MCPH1: variants seen among roughly 807,000 people sequenced by gnomAD.
MCPH1 encodes the protein microcephalin 1, also known as microcephalin.
Under a neutral mutation model 84.5 loss-of-function variants are expected in MCPH1, and 104 were observed. The observed-to-expected ratio is 1.23, with a 90% confidence interval of 1.05 to 1.45. MCPH1 has a LOEUF of 1.45. Among genes scored for constraint, MCPH1 ranks in the 40% most tolerant of loss-of-function variants. The pLI is 0.00. For synonymous variants in MCPH1, 514 were observed against 366.8 expected (o/e 1.40, Z -4.58); for missense variants, 1,498 against 1,005.7 (o/e 1.49, Z -6.62).
At chr8:6,506,778 CTTT>C (rs552063597) in intron 12 of MCPH1, among the ~76,000 whole-genome samples, 7 of 128,040 alleles carry the variant, frequency 5.5e-5, no homozygotes, top group Admixed American at 1.6e-4. Context: ...CAGAGGATTG[CTTT>C]TTTTTTTTTT....
At chr8:6,554,705 G>C (rs1824283136) in intron 12 of MCPH1, among the ~76,000 whole-genome samples, 1 of 152,204 alleles carries the variant, frequency 6.6e-6, no homozygotes, top group Admixed American at 6.5e-5. Flanking sequence ...CTCAGAGGGA[G>C]AACCAGTCTG....
At chr8:6,555,441 T>G (rs1403585975) in intron 12 of MCPH1, among the ~76,000 whole-genome samples, 1 of 150,270 alleles carries the variant, frequency 6.7e-6, no homozygotes, top group East Asian at 1.9e-4. Flanking sequence ...ATAACATAAT[T>G]TGTTTTACGG....
chr8:6,559,015 T>A (rs1422469791), intron 12 of MCPH1, among the ~76,000 whole-genome samples: 1 of 152,138 alleles, frequency 6.6e-6, no homozygotes, highest in Non-Finnish European at 1.5e-5. Flanking sequence ...TTCCTTACTA[T>A]ATAGTAATAC....
intron 8 of MCPH1, chr8:6,446,994 A>G: frequency 1.0e-6 from 1 of 984,960 alleles, no homozygotes; most frequent in Non-Finnish European, 1.2e-6. Flanking sequence ...TCAGTGGTGC[A>G]GGCCATCAGG....
At chr8:6,476,631 A>G (rs904896722) in intron 9 of MCPH1, among the ~76,000 whole-genome samples, 8 of 152,194 alleles carry the variant, frequency 5.3e-5, no homozygotes, top group African/African-American at 9.7e-5. Flanking sequence ...CAAGATCTCT[A>G]TAAACCAGCA....
chr8:6,442,268 C>G (rs1277077663), intron 7 of MCPH1, 112 bp downstream of exon 7: 4 of 692,398 alleles, frequency 5.8e-6, no homozygotes, highest in Non-Finnish European at 1.0e-5. Flanking sequence ...TTAGTTAAAA[C>G]TAGAACTTCT....
At chr8:6,504,579 A>T (rs951536028) in intron 12 of MCPH1, among the ~76,000 whole-genome samples, 6 of 152,156 alleles carry the variant, frequency 3.9e-5, no homozygotes, top group Non-Finnish European at 7.3e-5. Context: ...TGCAAGAGTG[A>T]TGATGCTGGC....
chr8:6,424,637 G>A (rs921668591), intron 3 of MCPH1, among the ~76,000 whole-genome samples: 28 of 152,228 alleles, frequency 1.8e-4, no homozygotes, highest in Non-Finnish European at 4.0e-4. Context: ...ACGGTCTGAT[G>A]TGTCCTCCTA....
chr8:6,416,971 G>C (rs936131543), intron 3 of MCPH1, among the ~76,000 whole-genome samples: 2 of 151,756 alleles, frequency 1.3e-5, no homozygotes, highest in Non-Finnish European at 2.9e-5. Flanking sequence ...TTTAGCCTGG[G>C]CGACAAGAGC....
intron 13 of MCPH1, chr8:6,622,327 C>T (rs539135184): frequency 2.0e-3 from 311 of 158,772 alleles, no homozygotes; most frequent in Middle Eastern, 3.3e-3. Context: ...GAACCCCACG[C>T]CGTGCTAACA....
intron 9 of MCPH1, among the ~76,000 whole-genome samples, chr8:6,474,464 C>CA (rs35687711): frequency 5.3e-4 from 79 of 147,992 alleles, no homozygotes; most frequent in South Asian, 1.5e-3. Flanking sequence ...TTGCTGTCTC[C>CA]AAAAAAAAAA....
rs1444193350 is a variant in MCPH1, at chr8:6,407,913, C to T, written c.22+1224C>T. On this transcript the variant is annotated intron_variant, in intron 1 of 13. Transcript: ENST00000344683. Reference sequence around the variant, plus strand: ...AAAGGTCAAATGAAAAATTATATCACATTCACATTTCCTTCTCCATAAATA... The same window carrying T: ...AAAGGTCAAATGAAAAATTATATCATATTCACATTTCCTTCTCCATAAATA... Among the ~76,000 whole-genome samples, 3 of 152,160 alleles carry T rather than the reference C, an allele frequency of 2.0e-5. No homozygotes were observed. In the East Asian group the frequency reaches 5.8e-4, roughly 29 times the overall value.
At chr8:6,641,743 CAAAAAA>C in intron 13 of MCPH1, among the ~76,000 whole-genome samples, 2 of 151,728 alleles carry the variant, frequency 1.3e-5, no homozygotes, top group South Asian at 4.2e-4. Context: ...GACCCTATCT[CAAAAAA>C]AGAAAAAATA....
intron 12 of MCPH1, among the ~76,000 whole-genome samples, chr8:6,562,351 G>GC (rs1176985513): frequency 6.6e-6 from 1 of 152,024 alleles, no homozygotes; most frequent in African/African-American, 2.4e-5. Flanking sequence ...CACAAGTTGT[G>GC]CAGGGAAGTA....
At chr8:6,428,275 G>T (rs1801351866) in intron 3 of MCPH1, among the ~76,000 whole-genome samples, 1 of 151,252 alleles carries the variant, frequency 6.6e-6, no homozygotes, top group Non-Finnish European at 1.5e-5. Flanking sequence ...AAAAAACTAG[G>T]ACACAAAGAC....
intron 12 of MCPH1, among the ~76,000 whole-genome samples, chr8:6,556,057 C>G (rs1475653835): frequency 6.6e-6 from 1 of 152,136 alleles, no homozygotes; most frequent in Non-Finnish European, 1.5e-5. Context: ...GTGCCCTGCA[C>G]TCGTCTCAAG....
At chr8:6,448,628 TGTG>T (rs1427586501) in intron 8 of MCPH1, among the ~76,000 whole-genome samples, 2 of 152,198 alleles carry the variant, frequency 1.3e-5, no homozygotes, top group Non-Finnish European at 2.9e-5. Context: ...ACACATTTCT[TGTG>T]TGTGTGTCTA....
intron 9 of MCPH1, among the ~76,000 whole-genome samples, chr8:6,465,871 A>C (rs1806831534): frequency 6.6e-6 from 1 of 152,122 alleles, no homozygotes; most frequent in African/African-American, 2.4e-5. Context: ...CCCAGGAAAA[A>C]TTTATGTCTG....
In MCPH1 at chr8:6,560,524, G is replaced by A. The variant is rs186763988; in HGVS notation, c.2214+60595G>A. ...CCAAGCCAGAAGCCGTAAACCGAGC[G>A]AGAGTGCAAATTGCCTTTCTCAGGT... On this transcript the variant is annotated intron_variant, in intron 12 of 13. Transcript: ENST00000344683. Among the ~76,000 whole-genome samples, 46 of 152,276 alleles carry A rather than the reference G, an allele frequency of 3.0e-4. No individual in the cohort carries two copies. In the East Asian group the frequency reaches 7.5e-3, roughly 25 times the overall value.
Sources: gnomAD v4.1 joint callset for allele counts (sites outside exome capture counted in the v4.1 genomes callset) on GRCh38, gnomAD v4.1.1 for gene constraint, MANE v1.5 for transcripts, NCBI Gene and HGNC (gene_info 2026-07-23, HGNC 2026-07-21) for gene names.